The following APPL2 variants were observed in gnomAD, a reference collection of about 807,000 sequenced individuals.
APPL2 encodes adaptor protein, phosphotyrosine interacting with PH domain and leucine zipper 2.
Under a neutral mutation model 92.7 loss-of-function variants are expected in APPL2, and 84 were observed. The observed-to-expected ratio is 0.91, with a 90% CI of 0.76 to 1.09. APPL2 has a LOEUF of 1.09. APPL2 is among the 50% of genes least tolerant of loss of function. The pLI is 0.00. For missense variants in APPL2, 736 were observed against 824.5 expected (o/e 0.89, Z 1.31); for synonymous variants, 291 against 291.0 (o/e 1.00, Z 0.00).
At chr12:105,221,142 T>C (rs1013011793) in intron 2 of APPL2, among the ~76,000 whole-genome samples, 1 of 152,178 alleles carries the variant, frequency 6.6e-6, no homozygotes, top group Non-Finnish European at 1.5e-5. Flanking sequence ...TTTACCAACA[T>C]CAGCTAATTA....
At chr12:105,213,036 A>G (rs1257749362) in intron 4 of APPL2, among the ~76,000 whole-genome samples, 1 of 152,270 alleles carries the variant, frequency 6.6e-6, no homozygotes, top group African/African-American at 2.4e-5. Flanking sequence ...TAAGAAAGGT[A>G]CTGTTTTTCA....
At chr12:105,200,588 C>G (rs1196748) in intron 9 of APPL2, among the ~76,000 whole-genome samples, 133,598 of 152,254 alleles carry the variant, frequency 0.88, 58,900 homozygotes, top group East Asian at 1. Flanking sequence ...ACCCCACCCA[C>G]TAGTGACAGT....
chr12:105,200,124 G>A (rs1453823251), intron 9 of APPL2, among the ~76,000 whole-genome samples: 1 of 151,926 alleles, frequency 6.6e-6, no homozygotes, highest in Non-Finnish European at 1.5e-5. Context: ...GTGAGCCACC[G>A]CGCCCGGCTG....
intron 4 of APPL2, among the ~76,000 whole-genome samples, chr12:105,216,197 G>A (rs1412950394): frequency 6.6e-6 from 1 of 151,906 alleles, no homozygotes; most frequent in Non-Finnish European, 1.5e-5. Flanking sequence ...GTAAAATATA[G>A]CTATAAGAAC....
intron 9 of APPL2, among the ~76,000 whole-genome samples, chr12:105,201,692 A>G (rs1216428832): frequency 6.6e-6 from 1 of 151,974 alleles, no homozygotes; most frequent in Non-Finnish European, 1.5e-5. Flanking sequence ...CTTCACAGAT[A>G]AAACAACAAA....
intron 2 of APPL2, among the ~76,000 whole-genome samples, chr12:105,225,098 A>T (rs1305088077): frequency 2.6e-5 from 4 of 152,056 alleles, no homozygotes; most frequent in Non-Finnish European, 4.4e-5. Flanking sequence ...GCTGAAGGAA[A>T]GTGAGAGTCT....
intron 9 of APPL2, among the ~76,000 whole-genome samples, chr12:105,203,124 C>T (rs1337986930): frequency 1.3e-5 from 2 of 152,178 alleles, no homozygotes; most frequent in East Asian, 1.9e-4. Context: ...TGCTGTGCTC[C>T]GGATGGACCA....
rs59820038 is a variant in APPL2 at position 105,196,425 on chromosome 12, CT to C, written c.1053-799del. 5.2e-3 allele frequency among the ~76,000 whole-genome samples: 435 copies of C among 83,748 alleles called. 1 individual carries two copies. The highest frequency in any genetic ancestry group is 0.014 in the East Asian group (30 of 2,086). 54.9% of individuals were successfully genotyped at this position (83,748 alleles called of 152,430 possible). ...CCCTACCTTTGTGGAGGCGTTAACT[CT>C]TTTTTTTTTTTTTTTTTTTTTTTTT... On this transcript the variant is annotated intron_variant, in intron 11 of 20. Transcript: ENST00000258530.
At chr12:105,203,119 T>C (rs925578559) in intron 9 of APPL2, among the ~76,000 whole-genome samples, 33 of 152,092 alleles carry the variant, frequency 2.2e-4, no homozygotes, top group African/African-American at 7.5e-4. Flanking sequence ...GCCCATGCTG[T>C]GCTCCGGATG....
rs180712078 is a variant in APPL2, at chr12:105,222,122, G to C, written c.154-4397C>G. Among the ~76,000 whole-genome samples the C allele has an allele frequency of 4.5e-4, 68 of 152,330 alleles. No homozygotes were observed. The East Asian group carries it at 0.013, about 29-fold the overall frequency. On this transcript the variant is annotated intron_variant, in intron 2 of 20. Transcript: ENST00000258530. Reference sequence around the variant, plus strand: ...AGCCCCTCGAGACAGGATGCACACAGGGAGTAGTGAGGGGTGTGGCAAGAA... The same window carrying C: ...AGCCCCTCGAGACAGGATGCACACACGGAGTAGTGAGGGGTGTGGCAAGAA...
rs1310568812 is a variant in APPL2, at chr12:105,199,360, G to A, written c.863+13C>T. The stretch of plus-strand genomic sequence containing the variant: ...CGGATTTCAGAAAAAGAGGCAGACG[G>A]TGGCGTTCTCACTTTCTAAGATTAA... On this transcript the variant is annotated intron_variant, in intron 10 of 20. Coordinates refer to ENST00000258530, the MANE Select transcript of APPL2 (RefSeq NM_018171.5). 1.9e-6 allele frequency: 3 copies of A among 1,605,284 alleles called. No individual in the cohort carries two copies. The highest frequency in any genetic ancestry group is 2.6e-6 in the Non-Finnish European group (3 of 1,175,862).
At chr12:105,209,966 C>CTT (rs534907811) in intron 5 of APPL2, among the ~76,000 whole-genome samples, 5 of 146,418 alleles carry the variant, frequency 3.4e-5, no homozygotes, top group African/African-American at 5.0e-5. Context: ...AATCTTCACC[C>CTT]TTTTTTTTTT....
At chr12:105,203,249 GAA>G (rs1888384131) in intron 9 of APPL2, among the ~76,000 whole-genome samples, 2 of 152,212 alleles carry the variant, frequency 1.3e-5, no homozygotes, top group Non-Finnish European at 2.9e-5. Flanking sequence ...CTCAACTACT[GAA>G]GACAGTGATG....
At chr12:105,177,640 A>C (rs537861669) in intron 17 of APPL2, among the ~76,000 whole-genome samples, 11 of 152,362 alleles carry the variant, frequency 7.2e-5, no homozygotes, top group African/African-American at 2.6e-4. Context: ...CCTGAAGTGC[A>C]AGATCAACTT....
At chr12:105,199,624 G>T in intron 9 of APPL2, 93 bp from the exon 10 acceptor site, 1 of 1,391,654 alleles carries the variant, frequency 7.2e-7, no homozygotes, top group Non-Finnish European at 9.7e-7. Flanking sequence ...CCCCCGCAAA[G>T]CTTCCGGCCT....
intron 4 of APPL2, among the ~76,000 whole-genome samples, chr12:105,215,964 T>C (rs2136042353): frequency 6.6e-6 from 1 of 152,144 alleles, no homozygotes; most frequent in Non-Finnish European, 1.5e-5. Context: ...GAGGTGGAGC[T>C]TGCAGTGAGC....
chr12:105,232,562 C>G (rs868057187), intron 1 of APPL2, among the ~76,000 whole-genome samples: 3 of 152,106 alleles, frequency 2.0e-5, no homozygotes, highest in Middle Eastern at 6.9e-3. Context: ...CCCAGGAGTT[C>G]AAGACCACCC....
chr12:105,223,386 C>T (rs1477282924), intron 2 of APPL2, among the ~76,000 whole-genome samples: 2 of 152,140 alleles, frequency 1.3e-5, no homozygotes, highest in East Asian at 1.9e-4. Context: ...AACACAGACT[C>T]GCCAGAGAAG....
chr12:105,176,416 T>C lies in APPL2; in HGVS notation c.1813-334A>G, dbSNP rs1885549706. 1.1e-5 allele frequency: 5 copies of C among 469,172 alleles called. No individual in the cohort carries two copies. In the South Asian group the frequency reaches 2.1e-4, roughly 19 times the overall value. 29.1% of individuals were successfully genotyped at this position (469,172 alleles called of 1,614,324 possible). On this transcript the variant is annotated intron_variant, in intron 19 of 20. Coordinates refer to ENST00000258530, the MANE Select transcript of APPL2 (RefSeq NM_018171.5). ...TATACACAGTGGCAAACAGATAATTTACTGAAAGGATTGGTTAATTGTGAT... is the reference window on the plus strand; with the variant it reads ...TATACACAGTGGCAAACAGATAATTCACTGAAAGGATTGGTTAATTGTGAT...
Sources: gnomAD v4.1 joint callset for allele counts (sites outside exome capture counted in the v4.1 genomes callset) on GRCh38, gnomAD v4.1.1 for gene constraint, MANE v1.5 for transcripts, NCBI Gene and HGNC (gene_info 2026-07-23, HGNC 2026-07-21) for gene names.